SSBP3: variants seen among roughly 807,000 people sequenced by gnomAD.
SSBP3 encodes single stranded DNA binding protein 3.
Under a neutral mutation model 69.6 loss-of-function variants are expected in SSBP3, and 5 were observed. The ratio of observed to expected loss-of-function variants is 0.07; its 90% CI spans 0.04 to 0.15. The LOEUF is 0.15. Among genes scored for constraint, SSBP3 ranks in the 10% least tolerant of loss-of-function variants. The pLI is 1.00. For synonymous variants in SSBP3, 196 were observed against 193.4 expected (o/e 1.01, Z -0.11); for missense variants, 312 against 534.0 (o/e 0.58, Z 4.10).
chr1:54,329,923 A>T (rs1313511183), intron 4 of SSBP3, among the ~76,000 whole-genome samples: 1 of 152,172 alleles, frequency 6.6e-6, no homozygotes, highest in African/African-American at 2.4e-5. Flanking sequence ...ATTTTGGTCA[A>T]TACCCAGTAG....
At position 54,378,438 on chromosome 1, in the gene SSBP3, G is replaced by C. The variant is rs557855731; in HGVS notation, c.276+23423C>G. ...CAAACCACTCAGAGCAGGACAAAGA[G>C]GGGCTGTGGTGGAGAACCCAGGGCC... On this transcript the variant is annotated intron_variant, in intron 4 of 17. Transcript: ENST00000610401. Among the ~76,000 whole-genome samples, 7 of 152,306 alleles carry C rather than the reference G, an allele frequency of 4.6e-5. No individual in the cohort carries two copies. The East Asian group carries it at 1.4e-3, about 29-fold the overall frequency.
intron 4 of SSBP3, among the ~76,000 whole-genome samples, chr1:54,290,134 T>C (rs1043151159): frequency 6.6e-6 from 1 of 152,160 alleles, no homozygotes; most frequent in African/African-American, 2.4e-5. Flanking sequence ...GCTTCTCTGA[T>C]ACAAATTTCA....
intron 5 of SSBP3, among the ~76,000 whole-genome samples, chr1:54,267,333 C>T (rs776867464): frequency 2.0e-5 from 3 of 152,212 alleles, no homozygotes; most frequent in Non-Finnish European, 4.4e-5. Flanking sequence ...CTCTATCTGG[C>T]AGTCACTCTA....
intron 4 of SSBP3, among the ~76,000 whole-genome samples, chr1:54,373,027 T>C (rs763560351): frequency 6.6e-6 from 1 of 152,246 alleles, no homozygotes; most frequent in African/African-American, 2.4e-5. Context: ...CTGGGAATGA[T>C]GAAGAGCAAA....
intron 4 of SSBP3, among the ~76,000 whole-genome samples, chr1:54,319,681 G>A (rs1327926708): frequency 1.3e-5 from 2 of 151,810 alleles, no homozygotes; most frequent in South Asian, 2.1e-4. Context: ...AGGCTGGCGC[G>A]AGCCTTCCAA....
chr1:54,306,150 C>T (rs1459180783), intron 4 of SSBP3, among the ~76,000 whole-genome samples: 2 of 152,026 alleles, frequency 1.3e-5, no homozygotes, highest in African/African-American at 2.4e-5. Context: ...TGTAAGCACC[C>T]CTACTATCCC....
At chr1:54,315,289 C>G (rs1196999857) in intron 4 of SSBP3, among the ~76,000 whole-genome samples, 1 of 152,122 alleles carries the variant, frequency 6.6e-6, no homozygotes, top group Non-Finnish European at 1.5e-5. Context: ...AGCACAAGAC[C>G]ATGCCTGGTC....
At chr1:54,273,910 G>A (rs548085) in intron 5 of SSBP3, among the ~76,000 whole-genome samples, 2,468 of 152,332 alleles carry the variant, frequency 0.016, 61 homozygotes, top group African/African-American at 0.056. Flanking sequence ...ACCTCCAACT[G>A]TGGCCTGGAG....
chr1:54,273,415 C>G (rs547575633), intron 5 of SSBP3, among the ~76,000 whole-genome samples: 14 of 152,308 alleles, frequency 9.2e-5, no homozygotes, highest in African/African-American at 2.6e-4. Flanking sequence ...CTGAGCCAGC[C>G]GCCGCCGAGG....
At chr1:54,260,905 C>T (rs970857468) in intron 5 of SSBP3, among the ~76,000 whole-genome samples, 3 of 152,234 alleles carry the variant, frequency 2.0e-5, no homozygotes, top group African/African-American at 7.2e-5. Context: ...TTGACAGAGG[C>T]CAAGCTAAAA....
chr1:54,396,585 G>A (rs1457777210), intron 4 of SSBP3, among the ~76,000 whole-genome samples: 1 of 152,130 alleles, frequency 6.6e-6, no homozygotes, highest in African/African-American at 2.4e-5. Context: ...TCGAGACCCT[G>A]CCTCCCTCAC....
At chr1:54,386,292 A>C (rs1401316623) in intron 4 of SSBP3, among the ~76,000 whole-genome samples, 1 of 152,250 alleles carries the variant, frequency 6.6e-6, no homozygotes, top group African/African-American at 2.4e-5. Context: ...GCCTTCCTGC[A>C]GTGGCCCATG....
At chr1:54,360,659 C>T (rs1283121959) in intron 4 of SSBP3, among the ~76,000 whole-genome samples, 1 of 152,050 alleles carries the variant, frequency 6.6e-6, no homozygotes, top group African/African-American at 2.4e-5. Context: ...ATTTAAAGCC[C>T]AAAATGTTTA....
intron 5 of SSBP3, among the ~76,000 whole-genome samples, chr1:54,276,234 C>T (rs1383948426): frequency 6.6e-6 from 1 of 152,160 alleles, no homozygotes; most frequent in Non-Finnish European, 1.5e-5. Flanking sequence ...GGGACCCCTC[C>T]TCCAGGACTT....
At chr1:54,339,395 TA>T (rs1422838209) in intron 4 of SSBP3, among the ~76,000 whole-genome samples, 1 of 152,238 alleles carries the variant, frequency 6.6e-6, no homozygotes, top group Non-Finnish European at 1.5e-5. Flanking sequence ...GCTCTGAAAT[TA>T]ATCTGCTTAG....
chr1:54,352,055 G>A (rs1646788592), intron 4 of SSBP3, among the ~76,000 whole-genome samples: 1 of 152,160 alleles, frequency 6.6e-6, no homozygotes, highest in African/African-American at 2.4e-5. Context: ...CAGCTACTTG[G>A]GAGGTCGAGG....
chr1:54,342,849 G>A (rs922978751), intron 4 of SSBP3, among the ~76,000 whole-genome samples: 3 of 152,152 alleles, frequency 2.0e-5, no homozygotes, highest in Admixed American at 1.3e-4. Flanking sequence ...GATCCACTCT[G>A]TTATCACAGA....
intron 4 of SSBP3, among the ~76,000 whole-genome samples, chr1:54,321,072 A>G (rs1315185155): frequency 6.6e-6 from 1 of 152,206 alleles, no homozygotes; most frequent in African/African-American, 2.4e-5. Flanking sequence ...CTAAGGGAAC[A>G]TGGTATAGCC....
In SSBP3 at chr1:54,258,769, G is replaced by C. The variant is rs1321374834; in HGVS notation, c.367-620C>G. 2.0e-5 allele frequency among the ~76,000 whole-genome samples: 3 copies of C among 152,168 alleles called. No homozygotes were observed. Among genetic ancestry groups the C allele is most frequent in the Non-Finnish European group, 4.4e-5 (3 of 68,030 alleles). ...GGGGCACCACAGATGTAACACACAG[G>C]GAGTGAGGGGACAGTGAGTGAGGGC... On this transcript the variant is annotated intron_variant, in intron 5 of 17. Transcript: ENST00000610401. This position sits in a 1 kb window ranked among gnomAD's most constrained non-coding sequence, Gnocchi z 4.5.
Sources: allele counts gnomAD v4.1 joint callset (sites outside exome capture counted in the v4.1 genomes callset), GRCh38; gene constraint gnomAD v4.1.1; non-coding constraint Gnocchi (gnomAD v3.1); transcripts MANE v1.5; gene names NCBI Gene and HGNC (gene_info 2026-07-23, HGNC 2026-07-21).